The following PPM1G variants were observed in gnomAD, a reference collection of about 807,000 sequenced individuals.
PPM1G encodes protein phosphatase, Mg2+/Mn2+ dependent 1G.
In PPM1G, 12 loss-of-function variants were observed where a neutral mutation model predicts 59.4. The ratio of observed to expected loss-of-function variants is 0.20; its 90% CI spans 0.13 to 0.33. The LOEUF (loss-of-function observed/expected upper bound fraction) is 0.33. PPM1G is among the 10% of genes least tolerant of loss of function. PPM1G has a pLI of 1.00. For missense variants in PPM1G, 392 were observed against 681.3 expected, an observed-to-expected ratio of 0.58 and a Z score of 4.73; for synonymous variants, 245 against 251.9, an observed-to-expected ratio of 0.97 and a Z score of 0.26.
intron 1 of PPM1G, 46 bp downstream of exon 1, chr2:27,409,257 G>A: frequency 6.5e-7 from 1 of 1,532,606 alleles, no homozygotes; most frequent in Non-Finnish European, 8.8e-7. Flanking sequence ...TTCTCCGTCA[G>A]ATTCCCGCCC....
rs1166553063 is a variant in PPM1G, at chr2:27,381,488, C to A, written c.*111G>T. 18 of 1,267,312 alleles carry A rather than the reference C, an allele frequency of 1.4e-5. No individual in the cohort carries two copies. The highest frequency in any genetic ancestry group is 2.9e-5 in the African/African-American group (2 of 67,824). The allele number at this position is 1,267,312 out of a possible 1,614,324, so 78.5% of individuals were successfully genotyped here. A position where few individuals can be genotyped will look rare whatever the true frequency, so the allele number is the denominator to read the frequency against. On this transcript the variant is annotated 3_prime_UTR_variant, in exon 10 of 10. Coordinates refer to ENST00000344034, the MANE Select transcript of PPM1G (RefSeq NM_177983.3). Reference sequence around the variant, plus strand: ...ATGGGCGGAGTGAAGCCACCCAGCTCCCCCTGCACACCTCATACCCACTGC... The same window carrying A: ...ATGGGCGGAGTGAAGCCACCCAGCTACCCCTGCACACCTCATACCCACTGC...
At chr2:27,388,498 T>C (rs1258380394) in intron 1 of PPM1G, among the ~76,000 whole-genome samples, 1 of 152,148 alleles carries the variant, frequency 6.6e-6, no homozygotes, top group African/African-American at 2.4e-5. Context: ...CCAGTGGAAA[T>C]GTAGCTGTTA....
chr2:27,399,349 TAC>T (rs538720250), intron 1 of PPM1G, among the ~76,000 whole-genome samples: 14 of 152,014 alleles, frequency 9.2e-5, no homozygotes, highest in Non-Finnish European at 1.9e-4. Flanking sequence ...CCAAAGAAGA[TAC>T]ACAAATGTCC....
Position 27,382,822 on chromosome 2 carries a change from C to CTT in PPM1G, c.1202-219_1202-218dup, listed in dbSNP as rs1218887795. ...ACTCACTGGTCTTTTTATTTTAAGT[C>CTT]TTTTTTGTTTTTTTTTTTTTGAGAC... On this transcript the variant is annotated intron_variant, in intron 7 of 9. Coordinates refer to ENST00000344034, the MANE Select transcript of PPM1G (RefSeq NM_177983.3). This position sits in a 1 kb window ranked among gnomAD's most constrained non-coding sequence, Gnocchi z 4.2. Among the ~76,000 whole-genome samples the CTT allele has an allele frequency of 6.0e-5, 8 of 132,600 alleles. No homozygotes were observed. The highest frequency in any genetic ancestry group is 2.6e-4 in the African/African-American group (8 of 30,944). The allele number at this position is 132,600 out of a possible 152,430, so 87.0% of individuals were successfully genotyped here. A position where few individuals can be genotyped will look rare whatever the true frequency, so the allele number is the denominator to read the frequency against.
At chr2:27,387,827 C>G (rs1683806717) in intron 1 of PPM1G, among the ~76,000 whole-genome samples, 1 of 152,032 alleles carries the variant, frequency 6.6e-6, no homozygotes, top group African/African-American at 2.4e-5. Context: ...GAGACGGAGT[C>G]TCGCTCTGTC....
intron 1 of PPM1G, among the ~76,000 whole-genome samples, chr2:27,400,919 G>A (rs991146878): frequency 6.6e-6 from 1 of 152,178 alleles, no homozygotes; most frequent in Non-Finnish European, 1.5e-5. Context: ...CCATCCAAAG[G>A]AGTCCAGCAG....
In PPM1G at chr2:27,383,867, G is replaced by A; in HGVS notation, c.966+85C>T. ...TTACTTCCATCCTAAAGTATCAGGG[G>A]GATCCCCTGTCTCAAAATCAAAATT... On this transcript the variant is annotated intron_variant, in intron 6 of 9. Transcript: ENST00000344034. This position sits in a 1 kb window ranked among gnomAD's most constrained non-coding sequence, Gnocchi z 5.0. The A allele has an allele frequency of 3.9e-6, 6 of 1,524,290 alleles. No homozygotes were observed. The South Asian group carries it at 5.0e-5, about 13-fold the overall frequency. The allele number at this position is 1,524,290 out of a possible 1,614,324, so 94.4% of individuals were successfully genotyped here.
chr2:27,404,836 C>G (rs992618842), intron 1 of PPM1G, among the ~76,000 whole-genome samples: 3 of 147,898 alleles, frequency 2.0e-5, no homozygotes, highest in African/African-American at 7.5e-5. Flanking sequence ...CCCAGCTACT[C>G]GGGAAGCTGA....
intron 1 of PPM1G, among the ~76,000 whole-genome samples, chr2:27,396,427 T>C (rs1684055171): frequency 6.6e-6 from 1 of 152,118 alleles, no homozygotes; most frequent in African/African-American, 2.4e-5. Context: ...ACTCATTTAA[T>C]GGGTATGGAG....
chr2:27,398,492 C>G (rs555352249), intron 1 of PPM1G, among the ~76,000 whole-genome samples: 33 of 152,238 alleles, frequency 2.2e-4, no homozygotes, highest in Admixed American at 1.6e-3. Context: ...TGGACTTTAT[C>G]AAAAGTAAAA....
At chr2:27,386,467 A>T in intron 2 of PPM1G, 188 bp from the exon 3 acceptor site, 1 of 455,356 alleles carries the variant, frequency 2.2e-6, no homozygotes, top group Non-Finnish European at 4.0e-6. Context: ...TTCACCATCA[A>T]TTCTCTCGGG....
chr2:27,404,406 C>T (rs2148428205), intron 1 of PPM1G, among the ~76,000 whole-genome samples: 1 of 151,846 alleles, frequency 6.6e-6, no homozygotes, highest in East Asian at 1.9e-4. Flanking sequence ...AAAAAATTAG[C>T]TGGCCTGGTG....
intron 1 of PPM1G, among the ~76,000 whole-genome samples, chr2:27,387,739 T>TCTGC (rs1475447471): frequency 6.6e-6 from 1 of 152,220 alleles, no homozygotes; most frequent in Non-Finnish European, 1.5e-5. Context: ...GACCTTGTGA[T>TCTGC]CTGCCTGCCT....
rs1191769209 is a variant in PPM1G, at chr2:27,402,838, AAATAAATAAAT to A, written c.120+6454_120+6464del. On this transcript the variant is annotated intron_variant, in intron 1 of 9. Coordinates refer to ENST00000344034, the MANE Select transcript of PPM1G (RefSeq NM_177983.3). ...TAAATAAATAAATAAATAAATAAATAAATAAATAAATAAATAAAATAAACATAAATAAAATT... is the reference window on the plus strand; with the variant it reads ...TAAATAAATAAATAAATAAATAAATAAAATAAAATAAACATAAATAAAATT... 1.3e-3 allele frequency among the ~76,000 whole-genome samples: 186 copies of A among 148,260 alleles called. 2 individuals carry two copies. Among genetic ancestry groups the A allele is most frequent in the African/African-American group, 4.4e-3 (173 of 39,708 alleles).
rs760390481 is a variant in PPM1G at position 27,385,843 on chromosome 2, A to G, written c.313T>C (p.Leu105=). 6 of 1,613,906 alleles carry G rather than the reference A, an allele frequency of 3.7e-6. No homozygotes were observed. The highest frequency in any genetic ancestry group is 5.1e-6 in the Non-Finnish European group (6 of 1,180,014). The change falls in exon 4 of 10, where the codon TTG becomes CTG. Residue 105 remains leucine (L), a synonymous_variant. Coordinates refer to ENST00000344034, the MANE Select transcript of PPM1G (RefSeq NM_177983.3). This position sits in a 1 kb window ranked among gnomAD's most constrained non-coding sequence, Gnocchi z 4.1. The part of the protein sequence containing the change: ...EDAFLAIDAK[L]TTEEVIKELA... ...TCTTTAATGACTTCTTCAGTGGTCA[A>G]TTTGGCGTCAATAGCCAAGAAGGCA...
At position 27,385,808 on chromosome 2, in the gene PPM1G, C is replaced by G. The variant is rs1370192538; in HGVS notation, c.348G>C (p.Gln116His). 6.2e-7 allele frequency: 1 copy of G among 1,614,154 alleles called. No individual in the cohort carries two copies. Among genetic ancestry groups the G allele is most frequent in the Non-Finnish European group, 8.5e-7 (1 of 1,180,028 alleles). ...TTEEVIKELA[Q>H]IAGRPTEDED... ...CATCCTCAGTGGGTCGCCCTGCAAT[C>G]TGTGCCAGCTCTTTAATGACTTCTT... Residue 116 changes from glutamine (Q) to histidine (H), a missense_variant, in exon 4 of 10, where the codon CAG becomes CAC. This residue lies in a region of PPM1G where 188 missense variants were observed against 248.8 expected (regional missense o/e 0.76). Transcript: ENST00000344034. This position sits in a 1 kb window ranked among gnomAD's most constrained non-coding sequence, Gnocchi z 4.1.
rs1683715752 is a variant in PPM1G, at chr2:27,384,551, TAC to T, written c.825+120_825+121del. On this transcript the variant is annotated intron_variant, in intron 5 of 9. Coordinates refer to ENST00000344034, the MANE Select transcript of PPM1G (RefSeq NM_177983.3). The surrounding 1 kb of genome is among the most constrained non-coding windows in gnomAD (Gnocchi z 4.8). ...ATGAATTCAAGACTAAAGCTTAGAA[TAC>T]AGTGGGTCTTGGGGGATGATGTCAA... 1.6e-6 allele frequency: 2 copies of T among 1,216,322 alleles called. No individual in the cohort carries two copies. Among genetic ancestry groups the T allele is most frequent in the African/African-American group, 1.5e-5 (1 of 66,084 alleles). 75.3% of individuals were successfully genotyped at this position (1,216,322 alleles called of 1,614,324 possible). A position where few individuals can be genotyped will look rare whatever the true frequency, so the allele number is the denominator to read the frequency against.
At position 27,381,615 on chromosome 2, in the gene PPM1G, T is replaced by G. The variant is rs144588722; in HGVS notation, c.1625A>C (p.Lys542Thr). The G allele has an allele frequency of 6.0e-4, 969 of 1,611,714 alleles. No individual in the cohort carries two copies. The highest frequency in any genetic ancestry group is 7.4e-4 in the Non-Finnish European group (875 of 1,178,378). ...EENGNSDKKK[K>T]AKRD is the part of the protein sequence containing the mutation. Reference sequence around the variant, plus strand: ...GGATGACTGCTAGTCTCGCTTGGCCTTCTTCTTCTTGTCGCTGTTGCCATT... The same window carrying G: ...GGATGACTGCTAGTCTCGCTTGGCCGTCTTCTTCTTGTCGCTGTTGCCATT... Residue 542 changes from lysine (K) to threonine (T), a missense_variant, in exon 10 of 10, where the codon AAG becomes ACG. By Grantham distance (78) the Lys-to-Thr change is moderately conservative (BLOSUM62 -1). Transcript: ENST00000344034.
chr2:27,385,540 T>C lies in PPM1G; in HGVS notation c.409+207A>G, dbSNP rs905933865. The C allele has an allele frequency of 1.6e-6, 1 of 609,942 alleles. No individual in the cohort carries two copies. The highest frequency in any genetic ancestry group is 2.7e-6 in the Non-Finnish European group (1 of 366,246). The allele number at this position is 609,942 out of a possible 1,614,324, so 37.8% of individuals were successfully genotyped here. On this transcript the variant is annotated intron_variant, in intron 4 of 9. Transcript: ENST00000344034. This position sits in a 1 kb window ranked among gnomAD's most constrained non-coding sequence, Gnocchi z 4.1. The stretch of plus-strand genomic sequence containing the variant: ...ATGACAAAAGATAATGTATATACAA[T>C]GCTTACAGCTCAGATGCCACTCAAC...
Sources: allele counts gnomAD v4.1 joint callset (sites outside exome capture counted in the v4.1 genomes callset), GRCh38; gene constraint gnomAD v4.1.1; regional missense constraint gnomAD v4.1.1; non-coding constraint Gnocchi (gnomAD v3.1); transcripts MANE v1.5; gene names NCBI Gene and HGNC (gene_info 2026-07-23, HGNC 2026-07-21).